FAAH2: variants seen among roughly 807,000 people sequenced by gnomAD.
The protein encoded by FAAH2 is fatty acid amide hydrolase 2, also known as fatty-acid amide hydrolase 2.
FAAH2 carries 60 observed loss-of-function variants against 36.9 expected under a neutral mutation model. That is an observed-to-expected ratio of 1.63 (90% CI 1.32 to 2.02). FAAH2 has a LOEUF of 2.02. FAAH2 is among the 30% of genes most tolerant of loss of function. The pLI, the probability that FAAH2 is intolerant of heterozygous loss-of-function variation, is 0.00. For missense variants in FAAH2, 689 were observed against 397.5 expected (o/e 1.73, Z -6.23); for synonymous variants, 214 against 143.8 (o/e 1.49, Z -3.49).
chrX:57,227,443 T>A, the FAAH2 span, among the ~76,000 whole-genome samples: 4 of 111,205 alleles, frequency 3.6e-5, no homozygotes, highest in South Asian at 1.5e-3. Context: ...ACCCAGTGAG[T>A]CTACCTGGCT....
the FAAH2 span, chrX:57,137,485 C>A: frequency 3.6e-6 from 1 of 280,932 alleles, no homozygotes; most frequent in African/African-American, 2.9e-5. Context: ...TGGGCTGCCA[C>A]CAGTCCCTGA....
chrX:57,141,102 A>T, the FAAH2 span, among the ~76,000 whole-genome samples: 4 of 111,616 alleles, frequency 3.6e-5, no homozygotes, highest in Non-Finnish European at 5.6e-5. Context: ...TTCTTTTGAG[A>T]TATGCTCCTT....
At chrX:57,216,574 A>ATATG in the FAAH2 span, among the ~76,000 whole-genome samples, 11 of 55,060 alleles carry the variant, frequency 2.0e-4, no homozygotes, top group African/African-American at 8.3e-4. Flanking sequence ...ACGTATATGT[A>ATATG]TATATATGTA....
At chrX:57,383,229 G>A (rs1216287364) in intron 7 of FAAH2, among the ~76,000 whole-genome samples, 1 of 111,760 alleles carries the variant, frequency 8.9e-6, no homozygotes, top group Non-Finnish European at 1.9e-5. Context: ...CATACTGAAT[G>A]GCAAAAACTG....
chrX:57,250,169 T>C, the FAAH2 span, among the ~76,000 whole-genome samples: 1 of 112,155 alleles, frequency 8.9e-6, no homozygotes, highest in Admixed American at 9.5e-5. Flanking sequence ...TTGTGAGCAA[T>C]TTATTGTGGC....
intron 5 of FAAH2, among the ~76,000 whole-genome samples, chrX:57,374,278 A>G (rs1331646585): frequency 9.0e-6 from 1 of 111,443 alleles, no homozygotes; most frequent in Non-Finnish European, 1.9e-5. Context: ...TGGGGATTGC[A>G]TTGTATTTGT....
chrX:57,349,064 TATATATATTATATATACAC>T (rs1216144409), intron 5 of FAAH2, among the ~76,000 whole-genome samples: 20 of 96,396 alleles, frequency 2.1e-4, no homozygotes, highest in Non-Finnish European at 3.9e-4. Context: ...GAGAAATATA[TATATATATTATATATACAC>T]ATATATATAT....
chrX:57,292,596 C>T lies in FAAH2; in HGVS notation c.275+16C>T. On this transcript the variant is annotated intron_variant, in intron 2 of 10. Coordinates refer to ENST00000374900, the MANE Select transcript of FAAH2 (RefSeq NM_174912.4). ...TCAAGTACAGGTGAGCATTTCCACTCTCTCAAGGAGTCATTTATGGTGGTT... is the reference window on the plus strand; with the variant it reads ...TCAAGTACAGGTGAGCATTTCCACTTTCTCAAGGAGTCATTTATGGTGGTT... The T allele has an allele frequency of 8.5e-7, 1 of 1,181,293 alleles. No homozygotes were observed. Among genetic ancestry groups the T allele is most frequent in the Non-Finnish European group, 1.1e-6 (1 of 871,090 alleles).
chrX:57,402,600 C>T (rs911792218), intron 7 of FAAH2, among the ~76,000 whole-genome samples: 4 of 112,004 alleles, frequency 3.6e-5, no homozygotes, highest in Admixed American at 2.8e-4. Context: ...GATTAGTTAG[C>T]CTTCAATAGA....
the FAAH2 span, among the ~76,000 whole-genome samples, chrX:57,273,944 A>T: frequency 9.0e-6 from 1 of 111,481 alleles, no homozygotes; most frequent in African/African-American, 3.3e-5. Flanking sequence ...GGCACAAACA[A>T]CCCTCCAAAA....
chrX:57,433,029 A>G (rs1444082879), intron 8 of FAAH2, among the ~76,000 whole-genome samples: 5 of 111,021 alleles, frequency 4.5e-5, no homozygotes, highest in African/African-American at 1.6e-4. Context: ...TTGCAGAAAC[A>G]CTTTGGAAAT....
rs747802370 is a variant in FAAH2, at chrX:57,431,946, G to A, written c.1025G>A (p.Gly342Glu). The A allele has an allele frequency of 8.3e-7, 1 of 1,200,925 alleles. No homozygotes were observed. Among genetic ancestry groups the A allele is most frequent in the African/African-American group, 1.8e-5 (1 of 56,928 alleles). Reference protein sequence around the residue: ...KVVVHLETILGASVQHVKLKK... With the variant: ...KVVVHLETILEASVQHVKLKK... The stretch of plus-strand genomic sequence containing the variant: ...GTGGTTCACCTTGAAACTATTCTAG[G>A]AGCCTCAGTTCAACATGTTAAACTG... The change falls in exon 8 of 11, where the codon GGA becomes GAA. Residue 342 changes from glycine to glutamate, a missense_variant. Physicochemically the swap from Gly to Glu is moderately conservative, Grantham distance 98 (BLOSUM62 -2). Transcript: ENST00000374900.
chrX:57,153,301 G>A, the FAAH2 span, among the ~76,000 whole-genome samples: 16 of 111,925 alleles, frequency 1.4e-4, no homozygotes, highest in East Asian at 3.7e-3. Context: ...ATACTTGCTT[G>A]GTGAATTCTT....
At chrX:57,225,083 A>G in the FAAH2 span, among the ~76,000 whole-genome samples, 1 of 110,710 alleles carries the variant, frequency 9.0e-6, no homozygotes, top group Non-Finnish European at 1.9e-5. Context: ...TTATCTTTTC[A>G]ATGAATCAAC....
the FAAH2 span, among the ~76,000 whole-genome samples, chrX:57,222,977 C>G: frequency 5.4e-5 from 6 of 111,858 alleles, no homozygotes; most frequent in Non-Finnish European, 1.1e-4. Context: ...TCTAAAAAAG[C>G]TGAACTCGTC....
intron 10 of FAAH2, among the ~76,000 whole-genome samples, chrX:57,477,613 A>T (rs961648000): frequency 1.8e-5 from 2 of 108,808 alleles, no homozygotes; most frequent in East Asian, 2.9e-4. Flanking sequence ...TGCATTAGGT[A>T]TATCTCCTAA....
the FAAH2 span, among the ~76,000 whole-genome samples, chrX:57,269,827 A>C: frequency 8.9e-6 from 1 of 111,760 alleles, no homozygotes; most frequent in Non-Finnish European, 1.9e-5. Flanking sequence ...TCAGAGAACC[A>C]AGAGCAAACC....
the FAAH2 span, among the ~76,000 whole-genome samples, chrX:57,280,804 A>G: frequency 8.9e-6 from 1 of 112,517 alleles, no homozygotes; most frequent in Admixed American, 9.5e-5. Flanking sequence ...AAAGATGTAA[A>G]TGAATAAAAA....
intron 7 of FAAH2, among the ~76,000 whole-genome samples, chrX:57,404,075 C>A (rs2055505380): frequency 8.9e-6 from 1 of 112,199 alleles, no homozygotes; most frequent in South Asian, 3.7e-4. Context: ...AGAATGAATG[C>A]ATTTGGGCCA....
Sources: gnomAD v4.1 joint callset for allele counts (sites outside exome capture counted in the v4.1 genomes callset) on GRCh38, gnomAD v4.1.1 for gene constraint, MANE v1.5 for transcripts, NCBI Gene and HGNC (gene_info 2026-07-23, HGNC 2026-07-21) for gene names.